HSPA12A: variants seen among roughly 807,000 people sequenced by gnomAD.
HSPA12A encodes the protein heat shock protein family A (Hsp70) member 12A, also known as heat shock 70 kDa protein 12A.
Under a neutral mutation model 69.2 loss-of-function variants are expected in HSPA12A, and 28 were observed. The ratio of observed to expected loss-of-function variants is 0.40; its 90% CI spans 0.30 to 0.55. The LOEUF is 0.55. Among genes scored for constraint, HSPA12A ranks in the 20% least tolerant of loss-of-function variants. The pLI, the probability that HSPA12A is intolerant of heterozygous loss-of-function variation, is 0.38. For missense variants in HSPA12A, 686 were observed against 900.7 expected, an observed-to-expected ratio of 0.76 and a Z score of 3.05; for synonymous variants, 345 against 370.5, an observed-to-expected ratio of 0.93 and a Z score of 0.79.
chr10:116,783,983 T>C (rs1192613562), intron 2 of HSPA12A, among the ~76,000 whole-genome samples: 1 of 152,192 alleles, frequency 6.6e-6, no homozygotes, highest in African/African-American at 2.4e-5. Flanking sequence ...GGATTACAGG[T>C]ATGAGCCACC....
intron 2 of HSPA12A, among the ~76,000 whole-genome samples, chr10:116,814,754 A>T (rs1447159773): frequency 1.3e-5 from 2 of 152,178 alleles, no homozygotes; most frequent in Admixed American, 6.5e-5. Flanking sequence ...AATGAGTACC[A>T]CGGACCATTG....
chr10:116,806,007 G>A (rs1306947741), intron 2 of HSPA12A, among the ~76,000 whole-genome samples: 1 of 152,154 alleles, frequency 6.6e-6, no homozygotes, highest in African/African-American at 2.4e-5. Flanking sequence ...GATGCATACT[G>A]TCATCCTTGG....
At chr10:116,809,570 C>G (rs542438454) in intron 2 of HSPA12A, among the ~76,000 whole-genome samples, 5 of 152,348 alleles carry the variant, frequency 3.3e-5, no homozygotes, top group African/African-American at 1.2e-4. Context: ...AAGTGCTCAA[C>G]TGACGTCAGC....
intron 5 of HSPA12A, among the ~76,000 whole-genome samples, chr10:116,696,321 AC>A (rs782752759): frequency 6.6e-6 from 1 of 152,098 alleles, no homozygotes; most frequent in Non-Finnish European, 1.5e-5. Context: ...AATAATCCCC[AC>A]GTGTCAAGGG....
At chr10:116,727,561 G>C (rs1308525007) in intron 1 of HSPA12A, among the ~76,000 whole-genome samples, 3 of 152,130 alleles carry the variant, frequency 2.0e-5, no homozygotes, top group African/African-American at 7.2e-5. Flanking sequence ...AGGATGATTT[G>C]ACTTATGATT....
At chr10:116,728,804 GT>G (rs1851057987) in intron 1 of HSPA12A, among the ~76,000 whole-genome samples, 1 of 152,220 alleles carries the variant, frequency 6.6e-6, no homozygotes, top group African/African-American at 2.4e-5. Flanking sequence ...CCAAAGGAAT[GT>G]GGCATCAAAT....
rs370658449 is a variant in HSPA12A at position 116,685,927 on chromosome 10, C to T, written c.664-1965G>A. On this transcript the variant is annotated intron_variant, in intron 6 of 11. Transcript: ENST00000369209. ...CTCTCGTGTCCTGCACTGTCCGTGG[C>T]GAACCCTCTTCCCATCACCTAGTAC... Among the ~76,000 whole-genome samples, 26 of 152,292 alleles carry T rather than the reference C, an allele frequency of 1.7e-4. No individual in the cohort carries two copies. The East Asian group carries it at 3.1e-3, about 18-fold the overall frequency.
At chr10:116,704,874 C>A (rs1850193290) in intron 3 of HSPA12A, among the ~76,000 whole-genome samples, 1 of 152,194 alleles carries the variant, frequency 6.6e-6, no homozygotes, top group Non-Finnish European at 1.5e-5. Context: ...CTCACCCAGG[C>A]CACAAGCTGG....
chr10:116,692,436 T>G lies in HSPA12A; in HGVS notation c.578A>C (p.Glu193Ala). The change falls in exon 6 of 12, where the codon GAG becomes GCG. Residue 193 changes from glutamate to alanine, a missense_variant. Glu to Ala is a moderately radical substitution (Grantham distance 107). Coordinates refer to ENST00000369209, the MANE Select transcript of HSPA12A (RefSeq NM_025015.3). ...GATGACCCATCTGACATCAGAGTTC[T>G]CGAACTCCGAACCCGCCTGGTCACT... ...ELSDQAGSEF[E>A]NSDVRWVITV... The G allele has an allele frequency of 6.2e-7, 1 of 1,614,096 alleles. No individual in the cohort carries two copies. Among genetic ancestry groups the G allele is most frequent in the Admixed American group, 1.7e-5 (1 of 60,006 alleles).
chr10:116,698,499 T>C (rs1481211199), intron 5 of HSPA12A, 136 bp downstream of exon 5: 3 of 607,794 alleles, frequency 4.9e-6, no homozygotes, highest in Non-Finnish European at 2.9e-6. Flanking sequence ...TCCTGTTGTG[T>C]TGACTCCAAA....
chr10:116,805,273 G>A (rs528563204), intron 2 of HSPA12A, among the ~76,000 whole-genome samples: 31 of 152,224 alleles, frequency 2.0e-4, no homozygotes, highest in Non-Finnish European at 4.1e-4. Context: ...CCGAGATCGC[G>A]CCACTGCACT....
chr10:116,769,971 G>A (rs1453535924), intron 2 of HSPA12A, among the ~76,000 whole-genome samples: 1 of 152,204 alleles, frequency 6.6e-6, no homozygotes, highest in Non-Finnish European at 1.5e-5. Flanking sequence ...TCCAGGGAAG[G>A]CTGCAAGAAG....
At chr10:116,694,810 C>T (rs946393583) in intron 5 of HSPA12A, among the ~76,000 whole-genome samples, 4 of 152,190 alleles carry the variant, frequency 2.6e-5, no homozygotes, top group African/African-American at 9.6e-5. Context: ...CCTGGGTCCA[C>T]CTCGTTGTGC....
intron 2 of HSPA12A, among the ~76,000 whole-genome samples, chr10:116,802,791 C>T (rs1261987337): frequency 1.3e-5 from 2 of 152,242 alleles, no homozygotes; most frequent in South Asian, 2.1e-4. Context: ...ACATCCTTCC[C>T]TGCCCACTGT....
chr10:116,711,928 C>A (rs185692896), intron 1 of HSPA12A, among the ~76,000 whole-genome samples: 4 of 152,038 alleles, frequency 2.6e-5, no homozygotes, highest in Non-Finnish European at 5.9e-5. Flanking sequence ...ACCTTGTGAT[C>A]CGCTGGCCTC....
At chr10:116,802,047 CAT>C (rs1204042385) in intron 2 of HSPA12A, among the ~76,000 whole-genome samples, 3 of 152,206 alleles carry the variant, frequency 2.0e-5, no homozygotes, top group Admixed American at 1.3e-4. Context: ...CTGGGGAGGG[CAT>C]AAGCTCTGGC....
intron 2 of HSPA12A, among the ~76,000 whole-genome samples, chr10:116,791,333 T>G (rs1348283462): frequency 2.6e-5 from 4 of 152,222 alleles, no homozygotes; most frequent in African/African-American, 9.7e-5. Flanking sequence ...ACAGAACCTT[T>G]TCAATGCAAC....
chr10:116,773,324 G>C (rs2133121638), intron 2 of HSPA12A, among the ~76,000 whole-genome samples: 1 of 152,346 alleles, frequency 6.6e-6, no homozygotes, highest in East Asian at 1.9e-4. Flanking sequence ...AAGAAGGCCT[G>C]GTACACCAAC....
intron 2 of HSPA12A, among the ~76,000 whole-genome samples, chr10:116,774,430 T>G (rs1183699023): frequency 6.6e-6 from 1 of 152,226 alleles, no homozygotes. Flanking sequence ...TTAACAACTC[T>G]TGGGCACTTA....
Sources: gnomAD v4.1 joint callset for allele counts (sites outside exome capture counted in the v4.1 genomes callset) on GRCh38, gnomAD v4.1.1 for gene constraint, MANE v1.5 for transcripts, NCBI Gene and HGNC (gene_info 2026-07-23, HGNC 2026-07-21) for gene names.